Variants in GNA12 observed in about 807,000 individuals in gnomAD.
The protein encoded by GNA12 is guanine nucleotide-binding protein subunit alpha-12.
Under a neutral mutation model 26.0 loss-of-function variants are expected in GNA12, and 9 were observed. The observed-to-expected ratio is 0.35, with a 90% confidence interval of 0.21 to 0.60. GNA12 has a LOEUF of 0.60. Among genes scored for constraint, GNA12 ranks in the 20% least tolerant of loss-of-function variants. The pLI is 0.78. For missense variants in GNA12, 405 were observed against 525.8 expected, an observed-to-expected ratio of 0.77 and a Z score of 2.25; for synonymous variants, 264 against 219.6, an observed-to-expected ratio of 1.20 and a Z score of -1.79.
At chr7:2,737,289 G>GTTTTTTTTTTTTTTTTTTTTTTTTTTTTT (rs11389467) in intron 2 of GNA12, among the ~76,000 whole-genome samples, 1 of 62,276 alleles carries the variant, frequency 1.6e-5, no homozygotes, top group African/African-American at 5.5e-5. Context: ...TTTTTTTTTT[G>GTTTTTTTTTTTTTTTTTTTTTTTTTTTTT]TTTTTTTTTT....
chr7:2,764,244 CTTT>C (rs35992308), intron 2 of GNA12, among the ~76,000 whole-genome samples: 61 of 139,332 alleles, frequency 4.4e-4, no homozygotes, highest in African/African-American at 1.3e-3. Flanking sequence ...CAGCTAATTT[CTTT>C]TTTTTTTTTT....
At chr7:2,773,217 G>A (rs1223310362) in intron 2 of GNA12, among the ~76,000 whole-genome samples, 1 of 152,190 alleles carries the variant, frequency 6.6e-6, no homozygotes, top group Non-Finnish European at 1.5e-5. Context: ...TCATTGTGTT[G>A]TATACACCTA....
intron 1 of GNA12, among the ~76,000 whole-genome samples, chr7:2,801,667 T>C (rs1792812961): frequency 6.6e-6 from 1 of 152,124 alleles, no homozygotes; most frequent in Admixed American, 6.5e-5. Context: ...GCTTTGTAGT[T>C]ACAGTCCATT....
At chr7:2,740,688 GC>G (rs1363408724) in intron 2 of GNA12, among the ~76,000 whole-genome samples, 1 of 152,128 alleles carries the variant, frequency 6.6e-6, no homozygotes, top group African/African-American at 2.4e-5. Flanking sequence ...TATCTGTTGG[GC>G]TCATTCTTAA....
At chr7:2,750,155 A>G (rs1168785494) in intron 2 of GNA12, among the ~76,000 whole-genome samples, 1 of 152,208 alleles carries the variant, frequency 6.6e-6, no homozygotes, top group African/African-American at 2.4e-5. Flanking sequence ...CCGGTCTGAC[A>G]TGTAAAGGGC....
At chr7:2,829,294 G>T (rs141171399) in intron 1 of GNA12, among the ~76,000 whole-genome samples, 20 of 152,212 alleles carry the variant, frequency 1.3e-4, no homozygotes, top group African/African-American at 4.8e-4. Flanking sequence ...TCCCTCTGTC[G>T]GAGAGATAAG....
chr7:2,774,249 A>G (rs1244163395), intron 2 of GNA12, among the ~76,000 whole-genome samples: 1 of 152,216 alleles, frequency 6.6e-6, no homozygotes, highest in East Asian at 1.9e-4. Flanking sequence ...ATGTATATGC[A>G]TATATACACA....
intron 2 of GNA12, among the ~76,000 whole-genome samples, chr7:2,784,376 C>G (rs997661730): frequency 8.5e-5 from 13 of 152,178 alleles, no homozygotes; most frequent in African/African-American, 3.1e-4. Context: ...GCCTCACCTA[C>G]CAAAGGGCTG....
intron 2 of GNA12, among the ~76,000 whole-genome samples, chr7:2,779,116 T>C (rs553221320): frequency 1.6e-4 from 24 of 152,306 alleles, no homozygotes; most frequent in African/African-American, 5.8e-4. Context: ...ACTAGCATTC[T>C]GGGAGGCCAA....
intron 1 of GNA12, among the ~76,000 whole-genome samples, chr7:2,816,096 C>A (rs552364525): frequency 6.6e-5 from 10 of 152,132 alleles, no homozygotes; most frequent in African/African-American, 2.4e-4. Context: ...CACTGTTGGT[C>A]GCAGGGAAAA....
intron 2 of GNA12, among the ~76,000 whole-genome samples, chr7:2,752,464 G>T (rs549375358): frequency 6.6e-6 from 1 of 152,098 alleles, no homozygotes; most frequent in African/African-American, 2.4e-5. Flanking sequence ...GCAAGCAAGC[G>T]AACAAATGAA....
At chr7:2,817,238 G>A (rs1793239595) in intron 1 of GNA12, among the ~76,000 whole-genome samples, 1 of 152,230 alleles carries the variant, frequency 6.6e-6, no homozygotes, top group African/African-American at 2.4e-5. Flanking sequence ...CCTGATAGCT[G>A]AAATTACAGG....
At chr7:2,753,565 G>T (rs986849566) in intron 2 of GNA12, among the ~76,000 whole-genome samples, 1 of 152,102 alleles carries the variant, frequency 6.6e-6, no homozygotes, top group Non-Finnish European at 1.5e-5. Flanking sequence ...TGAACGTGCC[G>T]CAGTTTATTT....
rs181093880 is a variant in GNA12 at position 2,794,864 on chromosome 7, G to A, written c.525+64C>T. 72 of 1,145,132 alleles carry A rather than the reference G, an allele frequency of 6.3e-5. No individual in the cohort carries two copies. The African/African-American group carries it at 9.6e-4, about 15-fold the overall frequency. 70.9% of individuals were successfully genotyped at this position (1,145,132 alleles called of 1,614,324 possible). On this transcript the variant is annotated intron_variant, in intron 2 of 3. Transcript: ENST00000275364. ...CAGTTTTTAAGGAAATTCAACTAACGGTCCAAAATAGTCATGTAAAAAACA... is the reference window on the plus strand; with the variant it reads ...CAGTTTTTAAGGAAATTCAACTAACAGTCCAAAATAGTCATGTAAAAAACA...
chr7:2,820,195 G>C (rs931371942), intron 1 of GNA12, among the ~76,000 whole-genome samples: 7 of 152,300 alleles, frequency 4.6e-5, no homozygotes, highest in African/African-American at 1.7e-4. Flanking sequence ...CCACGGTGTC[G>C]AAAGTGGGCT....
At chr7:2,807,515 A>C (rs1792977660) in intron 1 of GNA12, among the ~76,000 whole-genome samples, 1 of 152,020 alleles carries the variant, frequency 6.6e-6, no homozygotes, top group Non-Finnish European at 1.5e-5. Context: ...TGGGAGATTT[A>C]CTATTAATTA....
At chr7:2,756,605 TCAAA>T (rs139218513) in intron 2 of GNA12, among the ~76,000 whole-genome samples, 47 of 151,418 alleles carry the variant, frequency 3.1e-4, no homozygotes, top group African/African-American at 7.3e-4. Context: ...AGACCCTGTC[TCAAA>T]CAAACAAACA....
At chr7:2,822,339 G>A (rs561634143) in intron 1 of GNA12, among the ~76,000 whole-genome samples, 1 of 152,344 alleles carries the variant, frequency 6.6e-6, no homozygotes, top group East Asian at 1.9e-4. Context: ...TCTGTAGACA[G>A]TCCAGTAACT....
At chr7:2,770,540 T>G (rs547090694) in intron 2 of GNA12, among the ~76,000 whole-genome samples, 19 of 152,202 alleles carry the variant, frequency 1.2e-4, no homozygotes, top group Admixed American at 6.5e-4. Flanking sequence ...GGAAATCTCT[T>G]GAGCCCAGGA....
Sources: gnomAD v4.1 joint callset for allele counts (sites outside exome capture counted in the v4.1 genomes callset) on GRCh38, gnomAD v4.1.1 for gene constraint, MANE v1.5 for transcripts, NCBI Gene and HGNC (gene_info 2026-07-23, HGNC 2026-07-21) for gene names.